Variants in NBEA observed in about 807,000 individuals in gnomAD.
NBEA encodes the protein neurobeachin.
NBEA carries 44 observed loss-of-function variants against 343.4 expected under a neutral mutation model. The ratio of observed to expected loss-of-function variants is 0.13; its 90% CI spans 0.10 to 0.16. NBEA has a LOEUF of 0.16. Among genes scored for constraint, NBEA ranks in the 10% least tolerant of loss-of-function variants. The pLI, the probability that NBEA is intolerant of heterozygous loss-of-function variation, is 1.00. For missense variants in NBEA, 2,555 were observed against 3,631.3 expected, an observed-to-expected ratio of 0.70 and a Z score of 7.62; for synonymous variants, 1,175 against 1,238.7, an observed-to-expected ratio of 0.95 and a Z score of 1.08.
chr13:35,493,037 G>T (rs2076553490), intron 41 of NBEA, among the ~76,000 whole-genome samples: 1 of 151,912 alleles, frequency 6.6e-6, no homozygotes, highest in African/African-American at 2.4e-5. Flanking sequence ...AGAAATCAAA[G>T]AATTTTAAGA....
At chr13:35,124,624 A>T (rs1243090565) in intron 17 of NBEA, among the ~76,000 whole-genome samples, 1 of 137,074 alleles carries the variant, frequency 7.3e-6, no homozygotes, top group Admixed American at 7.2e-5. Flanking sequence ...ATATATATGG[A>T]TATACATACA....
intron 36 of NBEA, among the ~76,000 whole-genome samples, chr13:35,309,925 TCA>T (rs2037243934): frequency 1.3e-5 from 2 of 152,156 alleles, no homozygotes; most frequent in African/African-American, 4.8e-5. Flanking sequence ...AGAGCAGTGC[TCA>T]GTGTTTACTC....
chr13:35,020,067 CTCT>C (rs1038514687), intron 1 of NBEA, among the ~76,000 whole-genome samples: 2 of 151,774 alleles, frequency 1.3e-5, no homozygotes, highest in African/African-American at 4.8e-5. Flanking sequence ...GTATAACATG[CTCT>C]TCTTTTATAG....
intron 30 of NBEA, 122 bp from the exon 31 acceptor site, chr13:35,195,741 GT>G (rs1566440976): frequency 2.4e-6 from 2 of 838,050 alleles, no homozygotes; most frequent in Non-Finnish European, 3.6e-6. Context: ...ATGCACATCC[GT>G]TTAGCAATTT....
At chr13:35,577,647 A>T (rs936477007) in intron 45 of NBEA, among the ~76,000 whole-genome samples, 8 of 152,042 alleles carry the variant, frequency 5.3e-5, no homozygotes, top group African/African-American at 1.9e-4. Context: ...TGGAAATTTT[A>T]TATAATATTA....
intron 17 of NBEA, among the ~76,000 whole-genome samples, chr13:35,133,552 G>GT (rs1669782276): frequency 6.6e-6 from 1 of 151,418 alleles, no homozygotes; most frequent in African/African-American, 2.4e-5. Context: ...AATATTAAAA[G>GT]TTGGAAACAA....
rs1324294220 is a variant in NBEA at position 35,098,439 on chromosome 13, G to A, written c.1680+34G>A. ...TATGTGTTGATGGTTTTATTGTGTA[G>A]CTTCACAGTTGGACAGCTGTTAATC... is the stretch of plus-strand genomic sequence containing the variant. On this transcript the variant is annotated intron_variant, in intron 11 of 58. Coordinates refer to ENST00000379939, the MANE Select transcript of NBEA (RefSeq NM_001385012.1). 4 of 1,449,112 alleles carry A rather than the reference G, an allele frequency of 2.8e-6. No homozygotes were observed. In the African/African-American group the frequency reaches 5.6e-5, roughly 20 times the overall value. 89.8% of individuals were successfully genotyped at this position (1,449,112 alleles called of 1,614,324 possible). A position where few individuals can be genotyped will look rare whatever the true frequency, so the allele number is the denominator to read the frequency against.
At chr13:35,343,021 T>TACCTA (rs1269724473) in intron 36 of NBEA, among the ~76,000 whole-genome samples, 1 of 152,066 alleles carries the variant, frequency 6.6e-6, no homozygotes, top group Non-Finnish European at 1.5e-5. Context: ...ATTAAAGGCA[T>TACCTA]ACCTAAAGCC....
intron 39 of NBEA, among the ~76,000 whole-genome samples, chr13:35,443,208 G>A (rs143359968): frequency 1.3e-5 from 2 of 152,042 alleles, no homozygotes; most frequent in Non-Finnish European, 2.9e-5. Flanking sequence ...ACCTAAAGAC[G>A]TAATATTTAT....
intron 38 of NBEA, among the ~76,000 whole-genome samples, chr13:35,362,466 A>G (rs779825803): frequency 6.6e-6 from 1 of 151,970 alleles, no homozygotes; most frequent in Non-Finnish European, 1.5e-5. Flanking sequence ...ATATAATATA[A>G]AATGTCCAGG....
At chr13:34,947,833 T>G (rs2059233000) in intron 1 of NBEA, among the ~76,000 whole-genome samples, 1 of 152,204 alleles carries the variant, frequency 6.6e-6, no homozygotes, top group Non-Finnish European at 1.5e-5. Flanking sequence ...ATATATAAAG[T>G]CAACTCATAT....
chr13:35,465,570 A>T (rs942343498), intron 40 of NBEA, among the ~76,000 whole-genome samples: 1 of 152,108 alleles, frequency 6.6e-6, no homozygotes, highest in African/African-American at 2.4e-5. Flanking sequence ...AAGAGTCAAT[A>T]CTCTTCCAGA....
chr13:35,630,579 A>G lies in NBEA; in HGVS notation c.7617+2331A>G, dbSNP rs990153439. ...CTTTCAGCATGCTCATTCGAAGCAC[A>G]TAATTGCCAGACACTCAGGTTTCAT... On this transcript the variant is annotated intron_variant, in intron 49 of 58. Coordinates refer to ENST00000379939, the MANE Select transcript of NBEA (RefSeq NM_001385012.1). Among the ~76,000 whole-genome samples, 12 of 152,254 alleles carry G rather than the reference A, an allele frequency of 7.9e-5. No homozygotes were observed. The East Asian group carries it at 9.7e-4, about 12-fold the overall frequency.
intron 38 of NBEA, among the ~76,000 whole-genome samples, chr13:35,380,657 A>G (rs2041969169): frequency 6.6e-6 from 1 of 152,098 alleles, no homozygotes; most frequent in South Asian, 2.1e-4. Context: ...TTTGCTTACT[A>G]GTTATAATAG....
At chr13:35,095,465 T>G (rs1202205994) in intron 10 of NBEA, among the ~76,000 whole-genome samples, 2 of 151,688 alleles carry the variant, frequency 1.3e-5, no homozygotes, top group Non-Finnish European at 3.0e-5. Context: ...TTATAAGAGA[T>G]ATTATTATAC....
intron 16 of NBEA, among the ~76,000 whole-genome samples, chr13:35,121,529 T>TTTTTTCATTACTGA (rs1295195736): frequency 6.6e-6 from 1 of 152,000 alleles, no homozygotes; most frequent in Non-Finnish European, 1.5e-5. Context: ...CAGACTTGTC[T>TTTTTTCATTACTGA]TTTTTCATTA....
chr13:35,310,103 A>G (rs1474701016), intron 36 of NBEA, among the ~76,000 whole-genome samples: 1 of 152,158 alleles, frequency 6.6e-6, no homozygotes, highest in African/African-American at 2.4e-5. Context: ...TTTTTATTTA[A>G]TAAATGGTTA....
Position 34,946,699 on chromosome 13 carries a change from GA to G in NBEA, c.294+3586del, listed in dbSNP as rs1360891641. Among the ~76,000 whole-genome samples the G allele has an allele frequency of 2.0e-4, 30 of 147,868 alleles. No individual in the cohort carries two copies. The East Asian group carries it at 4.8e-3, about 23-fold the overall frequency. ...AGTTGTAGAAAATGATATTTCCTCT[GA>G]TTTTTTTTTTTTTTTACATTCTAAG... On this transcript the variant is annotated intron_variant, in intron 1 of 58. Coordinates refer to ENST00000379939, the MANE Select transcript of NBEA (RefSeq NM_001385012.1).
rs143401677 is a variant in NBEA, at chr13:35,418,821, T to C, written c.6180-13448T>C. ...AGGAGAGTATTATTTGTATACTCTA[T>C]GTTTTAGTTCGTTGAGGCTGCTATA... is the stretch of plus-strand genomic sequence containing the variant. On this transcript the variant is annotated intron_variant, in intron 38 of 58. Transcript: ENST00000379939. Among the ~76,000 whole-genome samples the C allele has an allele frequency of 1.4e-3, 213 of 152,202 alleles. 1 individual carries two copies. The highest frequency in any genetic ancestry group is 4.7e-3 in the African/African-American group (197 of 41,560).
Sources: gnomAD v4.1 joint callset for allele counts (sites outside exome capture counted in the v4.1 genomes callset) on GRCh38, gnomAD v4.1.1 for gene constraint, MANE v1.5 for transcripts, NCBI Gene and HGNC (gene_info 2026-07-23, HGNC 2026-07-21) for gene names.